Variants in CHRNB4 observed in about 807,000 individuals in gnomAD.
The protein encoded by CHRNB4 is neuronal acetylcholine receptor subunit beta-4.
A neutral mutation model predicts 40.4 loss-of-function variants in CHRNB4; 23 were observed. That is an observed-to-expected ratio of 0.57 (90% CI 0.41 to 0.81). The LOEUF is 0.81. CHRNB4 is among the 30% of genes least tolerant of loss of function. The pLI, the probability that CHRNB4 is intolerant of heterozygous loss-of-function variation, is 0.00. For missense variants in CHRNB4, 568 were observed against 670.6 expected (o/e 0.85, Z 1.69); for synonymous variants, 285 against 274.4 (o/e 1.04, Z -0.38).
intron 5 of CHRNB4, 31 bp downstream of exon 5, chr15:78,628,936 G>A: frequency 6.3e-7 from 1 of 1,583,756 alleles, no homozygotes; most frequent in Non-Finnish European, 8.6e-7. Context: ...TTTCTGTTGG[G>A]CAGGTGGGCA....
upstream of CHRNB4, chr15:78,641,313 C>G (rs1047839499): frequency 6.5e-5 from 34 of 523,876 alleles, no homozygotes; most frequent in Non-Finnish European, 9.2e-5. Context: ...GTACTGGGCC[C>G]GCTGCTCCGC....
chr15:78,631,014 TAGGGC>T, intron 4 of CHRNB4, 57 bp downstream of exon 4: 1 of 1,349,802 alleles, frequency 7.4e-7, no homozygotes, highest in Non-Finnish European at 1.1e-6. Context: ...GGATGACTCT[TAGGGC>T]TGGGCCTGCT....
rs777517563 is a variant in CHRNB4 at position 78,629,610 on chromosome 15, G to A, written c.695C>T (p.Pro232Leu). ...GATGAGGTTGATGGTGTAGAACAGA[G>A]GCTTGCGCTTGATGATGAAGTCGTA... ...VTYDFIIKRK[P>L]LFYTINLIIP... The change falls in exon 5 of 6, where the codon CCT (proline) becomes CTT (leucine). Residue 232 changes from proline to leucine, a missense_variant. Coordinates refer to ENST00000261751, the MANE Select transcript of CHRNB4 (RefSeq NM_000750.5). The surrounding 1 kb of genome is among the most constrained non-coding windows in gnomAD (Gnocchi z 6.8). 6.2e-7 allele frequency: 1 copy of A among 1,614,026 alleles called. No individual in the cohort carries two copies. The highest frequency in any genetic ancestry group is 1.3e-5 in the African/African-American group (1 of 74,910).
chr15:78,635,977 G>A lies in CHRNB4; in HGVS notation c.56-390C>T, dbSNP rs541860532. Among the ~76,000 whole-genome samples the A allele has an allele frequency of 1.8e-4, 28 of 151,574 alleles. No homozygotes were observed. The South Asian group carries it at 4.8e-3, about 26-fold the overall frequency. On this transcript the variant is annotated intron_variant, in intron 1 of 5. Coordinates refer to ENST00000261751, the MANE Select transcript of CHRNB4 (RefSeq NM_000750.5). ...GGCTGGAGTGCGGTGGTGTGATCTCGGCTCACTGCAACCTCTGCCACCTGA... is the reference window on the plus strand; with the variant it reads ...GGCTGGAGTGCGGTGGTGTGATCTCAGCTCACTGCAACCTCTGCCACCTGA...
chr15:78,651,611 C>T lies in CHRNB4; in HGVS notation c.-16+967G>A, dbSNP rs147078413. Among the ~76,000 whole-genome samples, 62 of 152,348 alleles carry T rather than the reference C, an allele frequency of 4.1e-4. No homozygotes were observed. The East Asian group carries it at 9.5e-3, about 23-fold the overall frequency. ...CTGACTCTCCAGCTCCCTCCCCACA[C>T]CTCTACTTCCCAGCCCCTCCACAAT... On this transcript the variant is annotated intron_variant and NMD_transcript_variant, in intron 6 of 11. Transcript: ENST00000559849.
At chr15:78,641,221 C>T (rs543908438), upstream of CHRNB4, 47 of 1,245,740 alleles carry the variant, frequency 3.8e-5, no homozygotes, top group Admixed American at 1.6e-3. Context: ...GAGCGCCGGT[C>T]CTGGCCCCCG....
intron 2 of CHRNB4, among the ~76,000 whole-genome samples, chr15:78,635,113 T>G (rs945179229): frequency 1.2e-4 from 18 of 152,074 alleles, no homozygotes; most frequent in African/African-American, 3.9e-4. Context: ...GGGGAGAGAA[T>G]AGGGTGGGGC....
intron 1 of CHRNB4, among the ~76,000 whole-genome samples, chr15:78,659,813 T>TGG (rs1317398669): frequency 1.3e-5 from 2 of 152,190 alleles, no homozygotes; most frequent in Non-Finnish European, 2.9e-5. Flanking sequence ...TGATGTGACA[T>TGG]GATTGCTTTA....
rs796456138 is a variant in CHRNB4 at position 78,624,921 on chromosome 15, C to T, written c.*212G>A. On this transcript the variant is annotated 3_prime_UTR_variant, in exon 6 of 6. Transcript: ENST00000261751. ...AGAATTGAACTGTCTGAAGCTCCCT[C>T]CTACTGGGGCTTCCTGGGATCCCTC... 6.8e-7 allele frequency: 1 copy of T among 1,469,568 alleles called. No homozygotes were observed. The highest frequency in any genetic ancestry group is 2.4e-5 in the Admixed American group (1 of 42,398). 91.0% of individuals were successfully genotyped at this position (1,469,568 alleles called of 1,614,324 possible).
At chr15:78,654,609 A>C (rs1415378167) in intron 5 of CHRNB4, among the ~76,000 whole-genome samples, 6 of 152,216 alleles carry the variant, frequency 3.9e-5, no homozygotes. Context: ...CGTGCTGTGA[A>C]AAATAGGCAA....
chr15:78,637,186 CA>C (rs2053970285), intron 1 of CHRNB4, among the ~76,000 whole-genome samples: 2 of 152,190 alleles, frequency 1.3e-5, no homozygotes. Flanking sequence ...CCTGACCTTC[CA>C]TAGCCTCAAA....
upstream of CHRNB4, among the ~76,000 whole-genome samples, chr15:78,641,755 G>A (rs1260678847): frequency 6.6e-6 from 1 of 152,188 alleles, no homozygotes; most frequent in Admixed American, 6.5e-5. Flanking sequence ...TGGGGAAGGA[G>A]CAGAGTTAAA....
rs375844653 is a variant in CHRNB4 at position 78,641,082 on chromosome 15, G to A, written c.52C>T (p.Arg18Cys). Residue 18 changes from arginine to cysteine, a missense_variant, in exon 1 of 6, where the codon CGC becomes TGC. Around this residue, in one of 4 missense-constraint regions of CHRNB4, gnomAD observed 161 missense variants for 148.1 expected, o/e 1.09. Transcript: ENST00000261751. ...VLFFLVALCG[R>C]GNCRVANAEE... Reference sequence around the variant, plus strand: ...TCCTTCCCCGAAAAGAACTCACCGCGCCCGCAAAGGGCGACCAGGAAGAAA... The same window carrying A: ...TCCTTCCCCGAAAAGAACTCACCGCACCCGCAAAGGGCGACCAGGAAGAAA... 69 of 1,578,746 alleles carry A rather than the reference G, an allele frequency of 4.4e-5. No homozygotes were observed. The highest frequency in any genetic ancestry group is 2.9e-4 in the Admixed American group (16 of 54,726).
chr15:78,660,841 G>C (rs940965214), upstream of CHRNB4: 7 of 324,236 alleles, frequency 2.2e-5, no homozygotes, highest in African/African-American at 8.6e-5. Context: ...AATTATCTCA[G>C]CGGTTGCTGT....
chr15:78,626,749 A>C (rs976223754), intron 5 of CHRNB4: 1 of 152,224 alleles, frequency 6.6e-6, no homozygotes, highest in African/African-American at 2.4e-5. Context: ...GATTCCAGGG[A>C]GGGTTAGCAG....
At chr15:78,646,531 T>A (rs1383147557) in intron 7 of CHRNB4, among the ~76,000 whole-genome samples, 1 of 152,212 alleles carries the variant, frequency 6.6e-6, no homozygotes, top group East Asian at 1.9e-4. Flanking sequence ...TTTCTCCCAG[T>A]TCTAGAGGCT....
upstream of CHRNB4, chr15:78,641,335 C>G: frequency 2.0e-6 from 1 of 491,746 alleles, no homozygotes; most frequent in Non-Finnish European, 3.5e-6. Flanking sequence ...CCGACGCCCC[C>G]TGGGTGGTCT....
chr15:78,649,817 T>G (rs12901971), intron 6 of CHRNB4, among the ~76,000 whole-genome samples: 97,484 of 151,426 alleles, frequency 0.64, 32,994 homozygotes, highest in Non-Finnish European at 0.77. Flanking sequence ...AGAAAAATAA[T>G]CATGGGGGGA....
intron 1 of CHRNB4, 24 bp from the exon 2 acceptor site, chr15:78,635,611 T>G: frequency 6.2e-7 from 1 of 1,613,086 alleles, no homozygotes; most frequent in Non-Finnish European, 8.5e-7. Context: ...CAGTCAGACC[T>G]GCTGGGCCCT....
Sources: gnomAD v4.1 joint callset for allele counts (sites outside exome capture counted in the v4.1 genomes callset) on GRCh38, gnomAD v4.1.1 for gene constraint, gnomAD v4.1.1 regional missense constraint, Gnocchi (gnomAD v3.1) non-coding constraint, MANE v1.5 for transcripts, NCBI Gene and HGNC (gene_info 2026-07-23, HGNC 2026-07-21) for gene names.